The following FAM227B variants were observed in gnomAD, a reference collection of about 807,000 sequenced individuals.
The protein encoded by FAM227B is family with sequence similarity 227 member B.
In FAM227B, 88 loss-of-function variants were observed where a neutral mutation model predicts 73.8. The ratio of observed to expected loss-of-function variants is 1.19; its 90% CI spans 1.00 to 1.42. The LOEUF is 1.42. Among genes scored for constraint, FAM227B ranks in the 40% most tolerant of loss-of-function variants. The pLI, the probability that FAM227B is intolerant of heterozygous loss-of-function variation, is 0.00. For missense variants in FAM227B, 632 were observed against 590.9 expected (o/e 1.07, Z -0.72); for synonymous variants, 210 against 190.5 (o/e 1.10, Z -0.84).
chr15:49,503,041 T>G (rs1178541876), intron 11 of FAM227B, among the ~76,000 whole-genome samples: 1 of 152,130 alleles, frequency 6.6e-6, no homozygotes, highest in Non-Finnish European at 1.5e-5. Flanking sequence ...AAGGCTACAG[T>G]AACCAAAACA....
intron 11 of FAM227B, among the ~76,000 whole-genome samples, chr15:49,457,622 G>T (rs1285964113): frequency 6.6e-6 from 1 of 151,932 alleles, no homozygotes; most frequent in African/African-American, 2.4e-5. Context: ...CTTGAAAAAT[G>T]AGTCTATAAA....
At chr15:49,415,823 T>C (rs2049175391) in intron 11 of FAM227B, among the ~76,000 whole-genome samples, 1 of 152,184 alleles carries the variant, frequency 6.6e-6, no homozygotes, top group African/African-American at 2.4e-5. Context: ...TAGGGCATTA[T>C]GCCAAGGGTA....
At chr15:49,609,492 T>C (rs1213496798) in intron 3 of FAM227B, among the ~76,000 whole-genome samples, 12 of 151,964 alleles carry the variant, frequency 7.9e-5, no homozygotes, top group Admixed American at 7.9e-4. Context: ...ATAATGCTAG[T>C]TAACAGCAGA....
intron 11 of FAM227B, among the ~76,000 whole-genome samples, chr15:49,468,736 T>C (rs951343141): frequency 6.6e-6 from 1 of 152,118 alleles, no homozygotes; most frequent in Non-Finnish European, 1.5e-5. Flanking sequence ...AACTCAAACA[T>C]TGAATCATTC....
chr15:49,597,515 C>G (rs560480681), intron 3 of FAM227B, among the ~76,000 whole-genome samples: 2 of 151,866 alleles, frequency 1.3e-5, no homozygotes, highest in African/African-American at 4.8e-5. Context: ...CATCAAAAAG[C>G]CTGAAAGAGC....
chr15:49,378,757 T>C (rs975217418), intron 11 of FAM227B, among the ~76,000 whole-genome samples: 1 of 152,188 alleles, frequency 6.6e-6, no homozygotes, highest in African/African-American at 2.4e-5. Context: ...TAACAATCAT[T>C]TGACTTCTTC....
intron 13 of FAM227B, among the ~76,000 whole-genome samples, chr15:49,346,038 A>G (rs1403292799): frequency 1.4e-5 from 2 of 143,280 alleles, no homozygotes; most frequent in African/African-American, 2.6e-5. Context: ...GCTTTTGGTC[A>G]CTTGCTTTTG....
chr15:49,550,268 C>T (rs2072720260), intron 9 of FAM227B, among the ~76,000 whole-genome samples: 1 of 141,088 alleles, frequency 7.1e-6, no homozygotes, highest in Non-Finnish European at 1.5e-5. Flanking sequence ...CTCCTCACTT[C>T]CCAGTAGGGG....
intron 1 of FAM227B, among the ~76,000 whole-genome samples, chr15:49,615,735 G>A (rs991199167): frequency 8.5e-5 from 13 of 152,136 alleles, no homozygotes; most frequent in African/African-American, 3.1e-4. Context: ...ACGGACTAAC[G>A]CAGCAGGGGA....
At chr15:49,599,313 T>A (rs2077055031) in intron 3 of FAM227B, among the ~76,000 whole-genome samples, 1 of 152,080 alleles carries the variant, frequency 6.6e-6, no homozygotes, top group Non-Finnish European at 1.5e-5. Flanking sequence ...CTGATTCTAT[T>A]TATTTGAATC....
intron 11 of FAM227B, among the ~76,000 whole-genome samples, chr15:49,499,343 A>G (rs1163765413): frequency 6.6e-6 from 1 of 152,102 alleles, no homozygotes; most frequent in African/African-American, 2.4e-5. Flanking sequence ...GCCATGTATA[A>G]TTGGAAAAAG....
At chr15:49,548,799 T>TGG (rs1477524625) in intron 9 of FAM227B, among the ~76,000 whole-genome samples, 3 of 152,226 alleles carry the variant, frequency 2.0e-5, no homozygotes, top group Non-Finnish European at 4.4e-5. Flanking sequence ...TCTAATTTAT[T>TGG]GGCATACAGT....
chr15:49,356,066 G>A (rs889610407), intron 13 of FAM227B, among the ~76,000 whole-genome samples: 1 of 146,770 alleles, frequency 6.8e-6, no homozygotes, highest in Non-Finnish European at 1.5e-5. Context: ...CAACAGGCCT[G>A]CCTTACAAGA....
At chr15:49,366,747 T>C (rs898374559) in intron 13 of FAM227B, 1 of 830,240 alleles carries the variant, frequency 1.2e-6, no homozygotes, top group South Asian at 1.6e-5. Flanking sequence ...AGGCTGGGAG[T>C]CCCGCCACTG....
intron 11 of FAM227B, among the ~76,000 whole-genome samples, chr15:49,409,043 T>C (rs755302111): frequency 6.6e-5 from 10 of 152,236 alleles, no homozygotes; most frequent in Admixed American, 2.6e-4. Flanking sequence ...TTGATCTTTC[T>C]TCTTTTCTGC....
At chr15:49,366,328 G>A (rs1284540590) in intron 13 of FAM227B, 1 of 786,708 alleles carries the variant, frequency 1.3e-6, no homozygotes, top group African/African-American at 1.7e-5. Flanking sequence ...TAGGAAATAG[G>A]ATACTGTTAT....
chr15:49,409,183 G>C (rs1209654772), intron 11 of FAM227B, among the ~76,000 whole-genome samples: 2 of 152,018 alleles, frequency 1.3e-5, no homozygotes, highest in Non-Finnish European at 2.9e-5. Flanking sequence ...GTATTGGAGG[G>C]CTTCTTATTT....
chr15:49,563,006 G>A (rs2152339120), intron 9 of FAM227B, among the ~76,000 whole-genome samples: 1 of 152,082 alleles, frequency 6.6e-6, no homozygotes, highest in South Asian at 2.1e-4. Flanking sequence ...AGAGCAATCA[G>A]GCAAGAAAAA....
chr15:49,361,281 T>C (rs951404048), intron 13 of FAM227B, among the ~76,000 whole-genome samples: 2 of 152,160 alleles, frequency 1.3e-5, no homozygotes, highest in African/African-American at 2.4e-5. Context: ...GGGGTACATG[T>C]GGAGGTTTGT....
Sources: allele counts gnomAD v4.1 joint callset (sites outside exome capture counted in the v4.1 genomes callset), GRCh38; gene constraint gnomAD v4.1.1; transcripts MANE v1.5; gene names NCBI Gene and HGNC (gene_info 2026-07-23, HGNC 2026-07-21).